AFF1: variants seen among roughly 807,000 people sequenced by gnomAD.
The protein encoded by AFF1 is ALF transcription elongation factor 1, also known as AF4/FMR2 family member 1.
A neutral mutation model predicts 121.7 loss-of-function variants in AFF1; 48 were observed. The observed-to-expected ratio is 0.39, with a 90% confidence interval of 0.31 to 0.50. The LOEUF is 0.50. Among genes scored for constraint, AFF1 ranks in the 20% least tolerant of loss-of-function variants. The probability of loss-of-function intolerance (pLI) is 0.76; values close to 1 mark genes in which losing one functional copy is unlikely to be tolerated. For synonymous variants in AFF1, 613 were observed against 563.0 expected (o/e 1.09, Z -1.26); for missense variants, 1,523 against 1,511.7 (o/e 1.01, Z -0.12).
chr4:86,967,585 G>A (rs186666838), intron 2 of AFF1, among the ~76,000 whole-genome samples: 31 of 152,230 alleles, frequency 2.0e-4, no homozygotes, highest in Middle Eastern at 6.8e-3. Context: ...CCATTGTGGG[G>A]ATATGAAGTA....
intron 16 of AFF1, among the ~76,000 whole-genome samples, chr4:87,128,969 G>T (rs1315954587): frequency 6.6e-6 from 1 of 152,162 alleles, no homozygotes; most frequent in Non-Finnish European, 1.5e-5. Flanking sequence ...AACTTATCTT[G>T]ACATTGGATA....
At chr4:86,991,932 C>G (rs1376618300) in intron 2 of AFF1, among the ~76,000 whole-genome samples, 1 of 147,942 alleles carries the variant, frequency 6.8e-6, no homozygotes, top group Non-Finnish European at 1.5e-5. Context: ...TCAGACACTT[C>G]TCGAGAAAAC....
chr4:87,134,170 G>C (rs993245656), intron 19 of AFF1, among the ~76,000 whole-genome samples: 1 of 152,206 alleles, frequency 6.6e-6, no homozygotes, highest in African/African-American at 2.4e-5. Flanking sequence ...TGAAATACAG[G>C]TGGGTGCACA....
intron 2 of AFF1, among the ~76,000 whole-genome samples, chr4:87,029,201 A>G (rs778572150): frequency 6.6e-6 from 1 of 152,154 alleles, no homozygotes; most frequent in Non-Finnish European, 1.5e-5. Context: ...GAGCTACTTT[A>G]TTGTAAGAGA....
intron 2 of AFF1, among the ~76,000 whole-genome samples, chr4:87,032,459 G>A (rs1370347534): frequency 2.0e-5 from 3 of 152,126 alleles, no homozygotes; most frequent in Non-Finnish European, 2.9e-5. Context: ...AAACAAAAGC[G>A]CTGATGGTTC....
intron 1 of AFF1, among the ~76,000 whole-genome samples, chr4:86,942,432 A>G (rs1279676104): frequency 1.3e-5 from 2 of 152,238 alleles, no homozygotes; most frequent in African/African-American, 4.8e-5. Flanking sequence ...AGTTAACTCC[A>G]GATAGTAAGT....
In AFF1 at chr4:87,129,905, C is replaced by T. The variant is rs564579633; in HGVS notation, c.2965-1178C>T. ...GTAGCATGACAGCCCATACCGCTCT[C>T]ATTGCTGACGTGTCTCCAGCTCCTT... On this transcript the variant is annotated intron_variant, in intron 16 of 20. Coordinates refer to ENST00000395146, the MANE Select transcript of AFF1 (RefSeq NM_001166693.3). Among the ~76,000 whole-genome samples, 11 of 152,276 alleles carry T rather than the reference C, an allele frequency of 7.2e-5. No individual in the cohort carries two copies. In the South Asian group the frequency reaches 2.1e-3, roughly 29 times the overall value.
Position 86,954,658 on chromosome 4 carries a change from G to A in AFF1, c.38+6087G>A, listed in dbSNP as rs573921659. ...GTGGGAGGATTGCTTGAGCCTGGAA[G>A]GTCAAGGCTGTGGTGAGCCAAGATT... On this transcript the variant is annotated intron_variant, in intron 2 of 20. Transcript: ENST00000395146. Among the ~76,000 whole-genome samples the A allele has an allele frequency of 2.6e-5, 4 of 152,132 alleles. No homozygotes were observed. In the East Asian group the frequency reaches 5.8e-4, roughly 22 times the overall value.
intron 12 of AFF1, among the ~76,000 whole-genome samples, chr4:87,119,245 C>G (rs766752118): frequency 6.6e-6 from 1 of 152,054 alleles, no homozygotes; most frequent in Non-Finnish European, 1.5e-5. Flanking sequence ...ACAATATATA[C>G]AGTAATACAC....
At position 87,001,207 on chromosome 4, in the gene AFF1, C is replaced by CTTTTTTTTTTTTTT. The variant is rs34072831; in HGVS notation, c.39-44945_39-44932dup. On this transcript the variant is annotated intron_variant, in intron 2 of 20. Transcript: ENST00000395146. ...TGAGAGGACTGCTTTCCTTTTTCTA[C>CTTTTTTTTTTTTTT]TTTTTTTTTTTTTTTTTTTTTTTTT... is the stretch of plus-strand genomic sequence containing the variant. 2.1e-3 allele frequency among the ~76,000 whole-genome samples: 125 copies of CTTTTTTTTTTTTTT among 60,314 alleles called. 31 individuals are homozygous for CTTTTTTTTTTTTTT. The highest frequency in any genetic ancestry group is 2.6e-3 in the Non-Finnish European group (86 of 33,306). 39.6% of individuals were successfully genotyped at this position (60,314 alleles called of 152,430 possible). A position where few individuals can be genotyped will look rare whatever the true frequency, so the allele number is the denominator to read the frequency against.
At position 87,105,674 on chromosome 4, in the gene AFF1, A is replaced by G; in HGVS notation, c.1330A>G (p.Ser444Gly). 1 of 1,614,234 alleles carries G rather than the reference A, an allele frequency of 6.2e-7. No homozygotes were observed. The highest frequency in any genetic ancestry group is 1.1e-5 in the South Asian group (1 of 91,088). ...LQLSDSEDSD[S>G]EQTPEKPPSS... ...GCTCAGTGACAGTGAGGACAGTGAC[A>G]GTGAACAAGTAAGTGTTGCACAGCC... The change falls in exon 9 of 21, where the codon AGT (serine) becomes GGT (glycine). Residue 444 changes from serine to glycine, a missense_variant. Ser to Gly is a moderately conservative substitution (Grantham distance 56). This residue lies in a region of AFF1 where 905 missense variants were observed against 842.5 expected (regional missense o/e 1.07). Coordinates refer to ENST00000395146, the MANE Select transcript of AFF1 (RefSeq NM_001166693.3).
rs561640079 is a variant in AFF1, at chr4:87,035,996, G to A, written c.39-10170G>A. 1.4e-3 allele frequency among the ~76,000 whole-genome samples: 210 copies of A among 152,214 alleles called. 2 individuals are homozygous for A. Among genetic ancestry groups the A allele is most frequent in the Middle Eastern group, 3.4e-3 (1 of 292 alleles). ...GTTGATAGTGTGACATGAGTGGCCT[G>A]GTAATGAGGCCAGCACTCTGGTTGA... On this transcript the variant is annotated intron_variant, in intron 2 of 20. Coordinates refer to ENST00000395146, the MANE Select transcript of AFF1 (RefSeq NM_001166693.3).
chr4:86,945,497 A>ATTTTT lies in AFF1; in HGVS notation c.-36-2981_-36-2977dup, dbSNP rs34305215. Among the ~76,000 whole-genome samples the ATTTTT allele has an allele frequency of 5.9e-3, 509 of 86,628 alleles. 18 individuals carry two copies. The highest frequency in any genetic ancestry group is 0.025 in the African/African-American group (483 of 19,152). The allele number at this position is 86,628 out of a possible 152,430, so 56.8% of individuals were successfully genotyped here. A position where few individuals can be genotyped will look rare whatever the true frequency, so the allele number is the denominator to read the frequency against. The stretch of plus-strand genomic sequence containing the variant: ...GTGCCACCTTGCCCAGCCTTTCCCA[A>ATTTTT]TTTTTTTTTTTTTTTTTTTTTTTTA... On this transcript the variant is annotated intron_variant, in intron 1 of 20. Transcript: ENST00000395146.
At chr4:87,053,600 C>G (rs1731473927) in intron 4 of AFF1, among the ~76,000 whole-genome samples, 1 of 152,226 alleles carries the variant, frequency 6.6e-6, no homozygotes, top group South Asian at 2.1e-4. Flanking sequence ...CTGCACCACT[C>G]AAAACACATT....
rs562979016 is a variant in AFF1 at position 87,127,896 on chromosome 4, A to G, written c.2964+193A>G. On this transcript the variant is annotated intron_variant, in intron 16 of 20. Transcript: ENST00000395146. ...AACATATGCACGCAGCAAAATCAGG[A>G]CCTTAATGATTAAGGGGTAGGTGGT... Among the ~76,000 whole-genome samples the G allele has an allele frequency of 1.6e-3, 236 of 152,126 alleles. 1 individual carries two copies. The highest frequency in any genetic ancestry group is 2.2e-3 in the Non-Finnish European group (148 of 68,002).
At chr4:87,125,196 G>T in intron 13 of AFF1, 53 bp downstream of exon 13, 1 of 1,379,476 alleles carries the variant, frequency 7.2e-7, no homozygotes, top group South Asian at 1.5e-5. Flanking sequence ...CACTTCTTGG[G>T]TCTTGACATA....
intron 12 of AFF1, among the ~76,000 whole-genome samples, chr4:87,119,194 A>G (rs1727423372): frequency 6.6e-6 from 1 of 152,000 alleles, no homozygotes; most frequent in Non-Finnish European, 1.5e-5. Context: ...AACCAAGCTT[A>G]TTTTTTTCCA....
intron 2 of AFF1, among the ~76,000 whole-genome samples, chr4:87,027,337 CATGTAACATGCACACTTCTGCTAT>C (rs1183059956): frequency 6.6e-6 from 1 of 152,242 alleles, no homozygotes; most frequent in Admixed American, 6.5e-5. Context: ...CACGGATACA[CATGTAACATGCACACTTCTGCTAT>C]TTCAGTTCTG....
chr4:87,084,473 C>G (rs1012813837), intron 5 of AFF1, among the ~76,000 whole-genome samples: 1 of 151,610 alleles, frequency 6.6e-6, no homozygotes, highest in Admixed American at 6.6e-5. Flanking sequence ...CGATTGAACC[C>G]GAGAGGTGGA....
Sources: gnomAD v4.1 joint callset for allele counts (sites outside exome capture counted in the v4.1 genomes callset) on GRCh38, gnomAD v4.1.1 for gene constraint, gnomAD v4.1.1 regional missense constraint, MANE v1.5 for transcripts, NCBI Gene and HGNC (gene_info 2026-07-23, HGNC 2026-07-21) for gene names.